ACBD6: variants seen among roughly 807,000 people sequenced by gnomAD.
ACBD6 encodes acyl-CoA-binding domain-containing protein 6.
ACBD6 carries 28 observed loss-of-function variants against 37.2 expected under a neutral mutation model. That is an observed-to-expected ratio of 0.75 (90% confidence interval 0.56 to 1.03). The LOEUF (loss-of-function observed/expected upper bound fraction) is 1.03. ACBD6 is among the 50% of genes least tolerant of loss of function. ACBD6 has a pLI of 0.00. For synonymous variants in ACBD6, 113 were observed against 126.8 expected (o/e 0.89, Z 0.73); for missense variants, 340 against 337.4 (o/e 1.01, Z -0.06).
At chr1:180,499,284 A>T (rs1651858935) in intron 1 of ACBD6, among the ~76,000 whole-genome samples, 1 of 152,250 alleles carries the variant, frequency 6.6e-6, no homozygotes, top group Admixed American at 6.5e-5. Flanking sequence ...TATTCTTAAC[A>T]CTATCTCACA....
intron 2 of ACBD6, among the ~76,000 whole-genome samples, chr1:180,494,052 G>C (rs1366411733): frequency 6.6e-6 from 1 of 152,120 alleles, no homozygotes; most frequent in African/African-American, 2.4e-5. Context: ...GTTTGGTAAC[G>C]GCAGTAACTG....
At chr1:180,342,514 ATAAT>A (rs1388587470) in intron 6 of ACBD6, among the ~76,000 whole-genome samples, 1 of 152,174 alleles carries the variant, frequency 6.6e-6, no homozygotes, top group East Asian at 1.9e-4. Flanking sequence ...AATCATGAAC[ATAAT>A]TATTTGGAAT....
At chr1:180,304,908 T>C (rs1362099263) in intron 7 of ACBD6, among the ~76,000 whole-genome samples, 1 of 152,064 alleles carries the variant, frequency 6.6e-6, no homozygotes, top group African/African-American at 2.4e-5. Context: ...AACAGAGATA[T>C]AGACCAATGG....
At chr1:180,400,099 T>C (rs917243225) in intron 5 of ACBD6, among the ~76,000 whole-genome samples, 6 of 152,210 alleles carry the variant, frequency 3.9e-5, no homozygotes, top group Non-Finnish European at 8.8e-5. Flanking sequence ...AAAATGTAAA[T>C]CCTTAGCTGT....
At chr1:180,319,250 C>T (rs1650958516) in intron 6 of ACBD6, among the ~76,000 whole-genome samples, 3 of 152,184 alleles carry the variant, frequency 2.0e-5, no homozygotes, top group Admixed American at 2.0e-4. Context: ...TCATCCAGTG[C>T]CTAGCTCAGT....
chr1:180,307,429 A>C (rs948192690), intron 7 of ACBD6, among the ~76,000 whole-genome samples: 2 of 152,232 alleles, frequency 1.3e-5, no homozygotes, highest in Admixed American at 1.3e-4. Context: ...ACAAAGAATA[A>C]GACCCAGTAT....
At chr1:180,271,171 C>T (rs1648631180) in exon 14 of ACBD6, 2 of 636,840 alleles carry the variant, frequency 3.1e-6, no homozygotes, top group Admixed American at 2.3e-5. Flanking sequence ...GACTGCTGTC[C>T]TCACTTTTCA....
In ACBD6 at chr1:180,271,922, A is replaced by G. The variant is rs771488709; in HGVS notation, c.*1303T>C. Reference sequence around the variant, plus strand: ...CTGGGGGCAGTTCTATAAGAGCGTCAAGAGGAGCCGGGGCAGCAGCAAGCA... The same window carrying G: ...CTGGGGGCAGTTCTATAAGAGCGTCGAGAGGAGCCGGGGCAGCAGCAAGCA... On this transcript the variant is annotated 3_prime_UTR_variant, in exon 14 of 14. Transcript: ENST00000642319. The G allele has an allele frequency of 4.6e-5, 75 of 1,613,330 alleles. No individual in the cohort carries two copies. The highest frequency in any genetic ancestry group is 6.1e-5 in the Non-Finnish European group (72 of 1,179,944).
intron 10 of ACBD6, chr1:180,274,486 C>A: frequency 1.2e-6 from 2 of 1,613,934 alleles, no homozygotes; most frequent in Non-Finnish European, 1.7e-6. Flanking sequence ...GGGGACCCAC[C>A]TCTGACATCT....
intron 6 of ACBD6, among the ~76,000 whole-genome samples, chr1:180,377,491 G>A (rs1385898849): frequency 6.6e-6 from 1 of 152,116 alleles, no homozygotes; most frequent in East Asian, 1.9e-4. Flanking sequence ...ACTAGAGTAG[G>A]GAAAATATAA....
At chr1:180,288,963 C>A in intron 7 of ACBD6, among the ~76,000 whole-genome samples, 2 of 146,070 alleles carry the variant, frequency 1.4e-5, no homozygotes, top group African/African-American at 2.5e-5. Flanking sequence ...AAGTGGGTAA[C>A]TAACTGAACT....
chr1:180,291,099 T>C (rs114655044), intron 7 of ACBD6, among the ~76,000 whole-genome samples: 1 of 152,254 alleles, frequency 6.6e-6, no homozygotes. Context: ...TTCCTTTTGA[T>C]TGCTGAGTAG....
intron 6 of ACBD6, among the ~76,000 whole-genome samples, chr1:180,353,415 TG>T (rs1652493595): frequency 6.6e-6 from 1 of 152,182 alleles, no homozygotes. Flanking sequence ...AGAAAAAATT[TG>T]GGCAGCATTT....
At chr1:180,418,285 G>C (rs549967674) in intron 4 of ACBD6, among the ~76,000 whole-genome samples, 1 of 152,176 alleles carries the variant, frequency 6.6e-6, no homozygotes, top group South Asian at 2.1e-4. Flanking sequence ...GCTCATTTAA[G>C]ACTTATATGA....
intron 3 of ACBD6, among the ~76,000 whole-genome samples, chr1:180,490,323 T>G (rs1651443630): frequency 6.6e-6 from 1 of 152,084 alleles, no homozygotes; most frequent in Admixed American, 6.6e-5. Flanking sequence ...GATAATAAAA[T>G]AGAAAATTTC....
intron 6 of ACBD6, among the ~76,000 whole-genome samples, chr1:180,322,715 C>T (rs901052416): frequency 1.3e-5 from 2 of 150,692 alleles, no homozygotes; most frequent in Non-Finnish European, 3.0e-5. Context: ...TCTACCTTTT[C>T]ATCTCTGATT....
chr1:180,463,807 G>T (rs1023651248), intron 3 of ACBD6, among the ~76,000 whole-genome samples: 9 of 151,998 alleles, frequency 5.9e-5, no homozygotes, highest in Admixed American at 1.3e-4. Context: ...AAAATCCTCA[G>T]CAAAATACTG....
At chr1:180,424,750 A>G (rs1465468808) in intron 4 of ACBD6, among the ~76,000 whole-genome samples, 1 of 152,114 alleles carries the variant, frequency 6.6e-6, no homozygotes, top group Non-Finnish European at 1.5e-5. Context: ...AAAACTGGAA[A>G]AAGGAAGAGG....
intron 3 of ACBD6, among the ~76,000 whole-genome samples, chr1:180,480,962 CAG>C (rs1651014406): frequency 6.6e-6 from 1 of 150,906 alleles, no homozygotes; most frequent in African/African-American, 2.4e-5. Context: ...ACCCGGGAGG[CAG>C]AGTCTGCAGT....
Sources: allele counts gnomAD v4.1 joint callset (sites outside exome capture counted in the v4.1 genomes callset), GRCh38; gene constraint gnomAD v4.1.1; transcripts MANE v1.5; gene names NCBI Gene and HGNC (gene_info 2026-07-23, HGNC 2026-07-21).